The following PPP1R7 variants were observed in gnomAD, a reference collection of about 807,000 sequenced individuals.
The protein encoded by PPP1R7 is protein phosphatase 1 regulatory subunit 22.
In PPP1R7, 18 loss-of-function variants were observed where a neutral mutation model predicts 45.2. The observed-to-expected ratio is 0.40, with a 90% CI of 0.28 to 0.59. PPP1R7 has a LOEUF of 0.59. Among genes scored for constraint, PPP1R7 ranks in the 20% least tolerant of loss-of-function variants. PPP1R7 has a pLI of 0.46. For missense variants in PPP1R7, 314 were observed against 455.8 expected (o/e 0.69, Z 2.83); for synonymous variants, 181 against 183.4 (o/e 0.99, Z 0.11).
intron 8 of PPP1R7, 58 bp downstream of exon 8, chr2:241,166,499 C>T: frequency 3.4e-6 from 5 of 1,477,256 alleles, no homozygotes; most frequent in Non-Finnish European, 4.7e-6. Context: ...GGCGGGCAGG[C>T]ACCTGGCCAG....
chr2:241,150,974 T>C (rs1421151659), intron 1 of PPP1R7, among the ~76,000 whole-genome samples: 1 of 152,186 alleles, frequency 6.6e-6, no homozygotes, highest in Non-Finnish European at 1.5e-5. Context: ...AAGGGTCTTC[T>C]CTTGAAATCG....
chr2:241,151,501 G>A (rs1559414751), intron 1 of PPP1R7: 1 of 471,244 alleles, frequency 2.1e-6, no homozygotes. Context: ...TGGGGATAGG[G>A]TGAGGGAAAA....
At chr2:241,172,090 T>G (rs2067826468) in intron 9 of PPP1R7, among the ~76,000 whole-genome samples, 1 of 152,032 alleles carries the variant, frequency 6.6e-6, no homozygotes, top group Admixed American at 6.5e-5. Context: ...ATCATCTTAG[T>G]ATTTGTTTTT....
At chr2:241,151,956 C>T (rs1331479280) in intron 1 of PPP1R7, among the ~76,000 whole-genome samples, 1 of 152,238 alleles carries the variant, frequency 6.6e-6, no homozygotes, top group Admixed American at 6.5e-5. Context: ...TCCAGACCCT[C>T]TCTGCTGCCC....
intron 5 of PPP1R7, among the ~76,000 whole-genome samples, chr2:241,159,891 AAGG>A (rs1333799983): frequency 6.6e-6 from 1 of 151,784 alleles, no homozygotes; most frequent in Non-Finnish European, 1.5e-5. Flanking sequence ...ATTAAAAAAG[AAGG>A]AGCCAGGTCC....
chr2:241,182,328 G>A (rs569041007), intron 9 of PPP1R7, among the ~76,000 whole-genome samples: 35 of 152,350 alleles, frequency 2.3e-4, no homozygotes, highest in Admixed American at 2.1e-3. Context: ...ACCCTGCTTT[G>A]ACACTTGCCT....
At chr2:241,160,007 A>T (rs1278109344) in intron 5 of PPP1R7, among the ~76,000 whole-genome samples, 2 of 152,218 alleles carry the variant, frequency 1.3e-5, no homozygotes, top group Non-Finnish European at 2.9e-5. Flanking sequence ...TTCTGTGTGC[A>T]GAGCCTGGTG....
intron 9 of PPP1R7, among the ~76,000 whole-genome samples, chr2:241,177,986 C>T (rs1655370585): frequency 6.6e-6 from 1 of 152,260 alleles, no homozygotes; most frequent in Non-Finnish European, 1.5e-5. Context: ...AATTACATTG[C>T]AGGCCTGCTC....
At chr2:241,175,035 G>A (rs1354485078) in intron 9 of PPP1R7, among the ~76,000 whole-genome samples, 1 of 152,150 alleles carries the variant, frequency 6.6e-6, no homozygotes, top group East Asian at 1.9e-4. Context: ...CAGCTATTCT[G>A]TCATGGCTTG....
At position 241,169,790 on chromosome 2, in the gene PPP1R7, A is replaced by G. The variant is rs1378138975; in HGVS notation, c.829A>G (p.Thr277Ala). Residue 277 changes from threonine (T) to alanine (A), a missense_variant, in exon 9 of 10, where the codon ACG becomes GCG. Transcript: ENST00000234038. Reference sequence around the variant, plus strand: ...TATTTCCTTCTTTTAGAACAAACTCACGATGTTGGACATTGCATCAAATAG... The same window carrying G: ...TATTTCCTTCTTTTAGAACAAACTCGCGATGTTGGACATTGCATCAAATAG... The part of the protein sequence containing the change: ...IEGLENNNKL[T>A]MLDIASNRIK... 1.2e-6 allele frequency: 2 copies of G among 1,608,030 alleles called. No homozygotes were observed. Among genetic ancestry groups the G allele is most frequent in the Admixed American group, 3.3e-5 (2 of 59,994 alleles).
chr2:241,154,800 A>G (rs913312174), intron 2 of PPP1R7, among the ~76,000 whole-genome samples: 2 of 152,266 alleles, frequency 1.3e-5, no homozygotes, highest in Non-Finnish European at 2.9e-5. Context: ...TCCAAACAGC[A>G]GGTTTAAGAA....
chr2:241,177,709 T>C (rs1380344956), intron 9 of PPP1R7, among the ~76,000 whole-genome samples: 1 of 152,218 alleles, frequency 6.6e-6, no homozygotes. Context: ...ATCCAGGGCC[T>C]GGAGGGTGGG....
intron 8 of PPP1R7, chr2:241,167,151 A>G: frequency 7.5e-7 from 1 of 1,334,346 alleles, no homozygotes; most frequent in Non-Finnish European, 1.0e-6. Flanking sequence ...GTTCAAGACA[A>G]ATAAAAGACT....
Position 241,160,312 on chromosome 2 carries a change from A to G in PPP1R7, c.435-20A>G, listed in dbSNP as rs527430429. On this transcript the variant is annotated intron_variant, in intron 5 of 9. Coordinates refer to ENST00000234038, the MANE Select transcript of PPP1R7 (RefSeq NM_002712.3). ...TATGCTCGTGAAATTTTTTTAAAAAACTGTTTTGGTTGTTCTCAGGATTCT... is the reference window on the plus strand; with the variant it reads ...TATGCTCGTGAAATTTTTTTAAAAAGCTGTTTTGGTTGTTCTCAGGATTCT... 104 of 1,571,868 alleles carry G rather than the reference A, an allele frequency of 6.6e-5. 1 individual carries two copies. In the African/African-American group the frequency reaches 8.0e-4, roughly 12 times the overall value.
upstream of PPP1R7, chr2:241,149,853 C>A (rs1014272689): frequency 1.2e-5 from 17 of 1,470,426 alleles, no homozygotes; most frequent in Admixed American, 7.4e-5. Flanking sequence ...CAAGGGGAGC[C>A]CAGCTGGCGC....
At chr2:241,167,608 C>T (rs907564826) in intron 8 of PPP1R7, among the ~76,000 whole-genome samples, 7 of 152,206 alleles carry the variant, frequency 4.6e-5, no homozygotes, top group African/African-American at 1.2e-4. Context: ...CACCGGGAGA[C>T]AGACAATCTG....
rs10171041 is a variant in PPP1R7, at chr2:241,164,001, C to T, written c.714+600C>T. Reference sequence around the variant, plus strand: ...GTGCATTCATAGCTCACTATAGCCTCACACTCCTAGGCTCAAGCAATCTTC... The same window carrying T: ...GTGCATTCATAGCTCACTATAGCCTTACACTCCTAGGCTCAAGCAATCTTC... On this transcript the variant is annotated intron_variant, in intron 7 of 9. Coordinates refer to ENST00000234038, the MANE Select transcript of PPP1R7 (RefSeq NM_002712.3). 7.7e-3 allele frequency among the ~76,000 whole-genome samples: 1,171 copies of T among 152,230 alleles called. 16 individuals are homozygous for T. The highest frequency in any genetic ancestry group is 0.026 in the African/African-American group (1,081 of 41,510).
Position 241,157,844 on chromosome 2 carries a change from C to T in PPP1R7, c.219C>T (p.Asn73=), listed in dbSNP as rs2067492898. 6.2e-7 allele frequency: 1 copy of T among 1,614,158 alleles called. No homozygotes were observed. Among genetic ancestry groups the T allele is most frequent in the South Asian group, 1.1e-5 (1 of 91,080 alleles). ...TGCCTGTGGACATGGAAACCATCAA[C>T]CTGGACAGAGATGCAGAGGTAATGC... ...HELPVDMETI[N]LDRDAEDVDL... The change falls in exon 3 of 10, where the codon AAC becomes AAT. Residue 73 remains asparagine, a synonymous_variant. Coordinates refer to ENST00000234038, the MANE Select transcript of PPP1R7 (RefSeq NM_002712.3).
rs752264526 is a variant in PPP1R7, at chr2:241,163,372, C to G, written c.685C>G (p.Leu229Val). Residue 229 changes from leucine to valine, a missense_variant, in exon 7 of 10, where the codon CTC becomes GTC. Leu to Val is a conservative substitution (Grantham distance 32, BLOSUM62 1). Coordinates refer to ENST00000234038, the MANE Select transcript of PPP1R7 (RefSeq NM_002712.3). ...KITKLQNLDA[L>V]TNLTVLSMQS... ...TACTAAACTTCAGAACCTGGATGCG[C>G]TCACCAACCTGACAGTCCTCAGTAT... 6.2e-7 allele frequency: 1 copy of G among 1,613,410 alleles called. No homozygotes were observed. The highest frequency in any genetic ancestry group is 1.1e-5 in the South Asian group (1 of 91,052).
Sources: allele counts gnomAD v4.1 joint callset (sites outside exome capture counted in the v4.1 genomes callset), GRCh38; gene constraint gnomAD v4.1.1; transcripts MANE v1.5; gene names NCBI Gene and HGNC (gene_info 2026-07-23, HGNC 2026-07-21).